The following PPP2R2C variants were observed in gnomAD, a reference collection of about 807,000 sequenced individuals.
The protein encoded by PPP2R2C is protein phosphatase 2, regulatory subunit B, gamma.
A neutral mutation model predicts 45.3 loss-of-function variants in PPP2R2C; 10 were observed. The ratio of observed to expected loss-of-function variants is 0.22; its 90% confidence interval spans 0.14 to 0.37. PPP2R2C has a LOEUF of 0.37. Among genes scored for constraint, PPP2R2C ranks in the 10% least tolerant of loss-of-function variants. The probability of loss-of-function intolerance (pLI) is 1.00; values close to 1 mark genes in which losing one functional copy is unlikely to be tolerated. For missense variants in PPP2R2C, 308 were observed against 619.7 expected (o/e 0.50, Z 5.34); for synonymous variants, 257 against 245.4 (o/e 1.05, Z -0.44).
intron 5 of PPP2R2C, among the ~76,000 whole-genome samples, chr4:6,369,660 C>T (rs1382005396): frequency 1.3e-5 from 2 of 152,188 alleles, no homozygotes; most frequent in African/African-American, 4.8e-5. Flanking sequence ...CCTCCTCATG[C>T]ATCCGCCTCC....
chr4:6,472,137 G>A, intron 1 of PPP2R2C, 23 bp downstream of exon 1: 1 of 1,613,282 alleles, frequency 6.2e-7, no homozygotes, highest in Non-Finnish European at 8.5e-7. Flanking sequence ...GGCCGGAGGG[G>A]TCTCAGACAA....
rs1316822452 is a variant in PPP2R2C, at chr4:6,330,186, G to T, written c.961-833C>A. 6.6e-6 allele frequency among the ~76,000 whole-genome samples: 1 copy of T among 152,200 alleles called. No homozygotes were observed. The highest frequency in any genetic ancestry group is 2.4e-5 in the African/African-American group (1 of 41,454). On this transcript the variant is annotated intron_variant, in intron 7 of 8. Transcript: ENST00000382599. This position sits in a 1 kb window ranked among gnomAD's most constrained non-coding sequence, Gnocchi z 7.0. ...GTCCTACAAGCCCTGTACCCGGAGG[G>T]CCGCATGAGTGCCAGCCCTCTGCTG...
chr4:6,401,002 C>T (rs1717379932), intron 1 of PPP2R2C, among the ~76,000 whole-genome samples: 1 of 152,162 alleles, frequency 6.6e-6, no homozygotes, highest in Non-Finnish European at 1.5e-5. Flanking sequence ...TTCCCACACA[C>T]GTTGGTCAAG....
At chr4:6,514,684 A>G (rs967723200) in intron 2 of PPP2R2C, among the ~76,000 whole-genome samples, 6 of 152,238 alleles carry the variant, frequency 3.9e-5, no homozygotes, top group African/African-American at 1.4e-4. Context: ...CAGCTCTGCA[A>G]TGCCTGGGGT....
rs893487840 is a variant in PPP2R2C, at chr4:6,364,926, T to G, written c.625+7597A>C. On this transcript the variant is annotated intron_variant, in intron 5 of 8. Transcript: ENST00000382599. The surrounding 1 kb of genome is among the most constrained non-coding windows in gnomAD (Gnocchi z 5.3). ...AGGCTTGAGCAAGAAGAAGACTATC[T>G]TTTTGCTCACCTAGAAAGTTCACCT... is the stretch of plus-strand genomic sequence containing the variant. Among the ~76,000 whole-genome samples the G allele has an allele frequency of 1.3e-5, 2 of 152,272 alleles. No individual in the cohort carries two copies. The highest frequency in any genetic ancestry group is 4.1e-4 in the South Asian group (2 of 4,826).
At position 6,324,487 on chromosome 4, in the gene PPP2R2C, G is replaced by T. The variant is rs2109146752; in HGVS notation, c.1053-894C>A. On this transcript the variant is annotated intron_variant, in intron 8 of 8. Coordinates refer to ENST00000382599, the MANE Select transcript of PPP2R2C (RefSeq NM_020416.4). The surrounding 1 kb of genome is among the most constrained non-coding windows in gnomAD (Gnocchi z 4.1). ...CCTCCTGTAATTTCTGTTAGTCCAG[G>T]AGAGAAAGCTCTGGCCTTCCAAACA... Among the ~76,000 whole-genome samples, 1 of 152,330 alleles carries T rather than the reference G, an allele frequency of 6.6e-6. No individual in the cohort carries two copies. Among genetic ancestry groups the T allele is most frequent in the African/African-American group, 2.4e-5 (1 of 41,576 alleles).
chr4:6,549,030 A>T (rs1426109133), intron 1 of PPP2R2C, among the ~76,000 whole-genome samples: 1 of 152,198 alleles, frequency 6.6e-6, no homozygotes, highest in African/African-American at 2.4e-5. Flanking sequence ...CCATTGGCTC[A>T]GTTCCTCCCA....
At chr4:6,440,462 C>T (rs1407537136) in intron 1 of PPP2R2C, among the ~76,000 whole-genome samples, 4 of 152,156 alleles carry the variant, frequency 2.6e-5, no homozygotes, top group African/African-American at 9.7e-5. Flanking sequence ...GGGCTCTTAG[C>T]AACCTCTAAG....
intron 1 of PPP2R2C, among the ~76,000 whole-genome samples, chr4:6,556,034 C>T (rs1282215641): frequency 6.6e-6 from 1 of 152,170 alleles, no homozygotes; most frequent in African/African-American, 2.4e-5. Context: ...CCAGCACCCA[C>T]AGGCAGGCTA....
rs1322024606 is a variant in PPP2R2C, at chr4:6,471,734, T to C, written c.70+426A>G. ...CTTCTTCTCCAGGGAGAGGGCAGCC[T>C]AGAAAATTCTGCGGGCTTTGGGCAG... On this transcript the variant is annotated intron_variant, in intron 1 of 8. Transcript: ENST00000382599. The surrounding 1 kb of genome is among the most constrained non-coding windows in gnomAD (Gnocchi z 5.6). The C allele has an allele frequency of 6.2e-6, 1 of 161,412 alleles. No homozygotes were observed. The highest frequency in any genetic ancestry group is 1.3e-5 in the Non-Finnish European group (1 of 74,404). 10.0% of individuals were successfully genotyped at this position (161,412 alleles called of 1,614,324 possible).
intron 8 of PPP2R2C, among the ~76,000 whole-genome samples, chr4:6,327,522 C>T (rs1161848609): frequency 6.6e-6 from 1 of 152,244 alleles, no homozygotes; most frequent in African/African-American, 2.4e-5. Context: ...CCCCGCAAAA[C>T]GCACATAAAA....
intron 1 of PPP2R2C, among the ~76,000 whole-genome samples, chr4:6,402,584 G>C (rs1022658301): frequency 2.0e-5 from 3 of 152,214 alleles, no homozygotes; most frequent in Non-Finnish European, 4.4e-5. Context: ...CGCTAGGCCA[G>C]GAGTAGGTGG....
intron 1 of PPP2R2C, among the ~76,000 whole-genome samples, chr4:6,419,678 T>G (rs1178623895): frequency 6.6e-6 from 1 of 152,142 alleles, no homozygotes; most frequent in Non-Finnish European, 1.5e-5. Flanking sequence ...CACAGACAGC[T>G]GGAAAACAAT....
At chr4:6,483,394 A>G (rs1722428510) in intron 2 of PPP2R2C, among the ~76,000 whole-genome samples, 1 of 152,150 alleles carries the variant, frequency 6.6e-6, no homozygotes, top group South Asian at 2.1e-4. Flanking sequence ...TCCCATCAGC[A>G]GTATATAAGA....
At chr4:6,555,835 G>A (rs553977851) in intron 1 of PPP2R2C, among the ~76,000 whole-genome samples, 32 of 152,168 alleles carry the variant, frequency 2.1e-4, no homozygotes, top group Non-Finnish European at 4.3e-4. Flanking sequence ...TGGTCTCCTC[G>A]GGTAATGCTG....
intron 1 of PPP2R2C, among the ~76,000 whole-genome samples, chr4:6,393,183 T>C (rs923369447): frequency 6.6e-6 from 1 of 151,824 alleles, no homozygotes; most frequent in African/African-American, 2.4e-5. Flanking sequence ...AAAAAGAAAC[T>C]CAGAACATTC....
chr4:6,452,625 A>C (rs1432033224), intron 1 of PPP2R2C, among the ~76,000 whole-genome samples: 2 of 152,156 alleles, frequency 1.3e-5, no homozygotes, highest in Non-Finnish European at 2.9e-5. Flanking sequence ...CCAAATTATC[A>C]CATGTCCTCC....
rs567559355 is a variant in PPP2R2C, at chr4:6,562,474, G to A, written c.-59+1086C>T. Reference sequence around the variant, plus strand: ...GGGGAGGATTCAACGGAGTCGGGGGGGGGGGTTGGATATTTGAAAGCTCTT... The same window carrying A: ...GGGGAGGATTCAACGGAGTCGGGGGAGGGGGTTGGATATTTGAAAGCTCTT... On this transcript the variant is annotated intron_variant, in intron 1 of 9. Transcript: ENST00000506140. 2.8e-3 allele frequency among the ~76,000 whole-genome samples: 124 copies of A among 43,964 alleles called. 1 individual carries two copies. The highest frequency in any genetic ancestry group is 9.0e-3 in the African/African-American group (112 of 12,468). 28.8% of individuals were successfully genotyped at this position (43,964 alleles called of 152,430 possible).
rs1721864665 is a variant in PPP2R2C at position 6,471,243 on chromosome 4, G to A, written c.70+917C>T. Among the ~76,000 whole-genome samples, 1 of 152,082 alleles carries A rather than the reference G, an allele frequency of 6.6e-6. No individual in the cohort carries two copies. The highest frequency in any genetic ancestry group is 2.4e-5 in the African/African-American group (1 of 41,416). ...TAGCGGCTGACAGTCCCCGCACTCG[G>A]GCAGGGCTCCAGCACAGGCGGCCCC... On this transcript the variant is annotated intron_variant, in intron 1 of 8. Coordinates refer to ENST00000382599, the MANE Select transcript of PPP2R2C (RefSeq NM_020416.4). The surrounding 1 kb of genome is among the most constrained non-coding windows in gnomAD (Gnocchi z 5.6).
Sources: gnomAD v4.1 joint callset for allele counts (sites outside exome capture counted in the v4.1 genomes callset) on GRCh38, gnomAD v4.1.1 for gene constraint, Gnocchi (gnomAD v3.1) non-coding constraint, MANE v1.5 for transcripts, NCBI Gene and HGNC (gene_info 2026-07-23, HGNC 2026-07-21) for gene names.